The following SLC12A9 variants were observed in gnomAD, a reference collection of about 807,000 sequenced individuals.
The protein encoded by SLC12A9 is CCC-interacting protein 1.
A neutral mutation model predicts 66.0 loss-of-function variants in SLC12A9; 55 were observed. The ratio of observed to expected loss-of-function variants is 0.83; its 90% confidence interval spans 0.67 to 1.04. SLC12A9 has a LOEUF of 1.04. SLC12A9 is among the 50% of genes least tolerant of loss of function. The probability of loss-of-function intolerance (pLI) is 0.00; values close to 1 mark genes in which losing one functional copy is unlikely to be tolerated. For synonymous variants in SLC12A9, 577 were observed against 569.0 expected (o/e 1.01, Z -0.20); for missense variants, 1,061 against 1,241.9 (o/e 0.85, Z 2.19).
chr7:100,850,874 C>T (rs1814053851), upstream of SLC12A9, among the ~76,000 whole-genome samples: 1 of 151,814 alleles, frequency 6.6e-6, no homozygotes, highest in Non-Finnish European at 1.5e-5. Flanking sequence ...TGCGTGCCAC[C>T]ACGCCCAACT....
chr7:100,851,230 T>C (rs1814065787), upstream of SLC12A9, among the ~76,000 whole-genome samples: 1 of 152,030 alleles, frequency 6.6e-6, no homozygotes, highest in African/African-American at 2.4e-5. Flanking sequence ...AAGAGTCAGA[T>C]TTTTTTCTTT....
chr7:100,831,737 C>T (rs1813548202), intron 1 of SLC12A9, among the ~76,000 whole-genome samples: 2 of 152,126 alleles, frequency 1.3e-5, no homozygotes, highest in African/African-American at 4.8e-5. Flanking sequence ...GCAAATCACC[C>T]CTTTCTCCGT....
chr7:100,851,943 C>T (rs114433665), upstream of SLC12A9, among the ~76,000 whole-genome samples: 686 of 152,248 alleles, frequency 4.5e-3, 2 homozygotes, highest in African/African-American at 0.016. Flanking sequence ...AGGCGTTGTT[C>T]TAAAGTGCCC....
chr7:100,839,653 G>A (rs1007522444), intron 1 of SLC12A9, among the ~76,000 whole-genome samples: 17 of 152,186 alleles, frequency 1.1e-4, no homozygotes, highest in Admixed American at 6.5e-5. Context: ...TGTGTGGCAG[G>A]CCCCTGTGGA....
chr7:100,861,959 C>T lies in SLC12A9; in HGVS notation c.1711+48C>T. The T allele has an allele frequency of 6.7e-7, 1 of 1,492,670 alleles. No homozygotes were observed. The allele number at this position is 1,492,670 out of a possible 1,614,324, so 92.5% of individuals were successfully genotyped here. A position where few individuals can be genotyped will look rare whatever the true frequency, so the allele number is the denominator to read the frequency against. On this transcript the variant is annotated intron_variant, in intron 12 of 13. Coordinates refer to ENST00000354161, the MANE Select transcript of SLC12A9 (RefSeq NM_020246.4). The surrounding 1 kb of genome is among the most constrained non-coding windows in gnomAD (Gnocchi z 5.3). ...CACTCACTCCCATCCTTCTCTCCCC[C>T]TACCTTTTTTTTTTTTTTGAGATGG...
Position 100,857,036 on chromosome 7 carries a change from C to T in SLC12A9, c.617C>T (p.Ser206Phe). The T allele has an allele frequency of 1.2e-6, 2 of 1,614,226 alleles. No individual in the cohort carries two copies. The highest frequency in any genetic ancestry group is 1.7e-6 in the Non-Finnish European group (2 of 1,180,044). The change falls in exon 5 of 14, where the codon TCT becomes TTT. Residue 206 changes from serine (S) to phenylalanine (F), a missense_variant. Physicochemically the swap from Ser to Phe is radical, Grantham distance 155. Coordinates refer to ENST00000354161, the MANE Select transcript of SLC12A9 (RefSeq NM_020246.4). ...TFLLVSGSLA[S>F]VLISFVAVGP... ...CTGCTGGTCTCTGGCTCCCTGGCCT[C>T]TGTGCTCATCAGTTTTGTGGCTGTG...
intron 1 of SLC12A9, among the ~76,000 whole-genome samples, chr7:100,841,610 G>T (rs1334620084): frequency 1.3e-5 from 2 of 151,982 alleles, no homozygotes; most frequent in African/African-American, 4.8e-5. Flanking sequence ...ATTATAAAAA[G>T]TTAAAAAGAG....
intron 9 of SLC12A9, chr7:100,860,474 G>A (rs1814680072): frequency 1.8e-5 from 10 of 543,924 alleles, no homozygotes; most frequent in East Asian, 9.5e-5. Context: ...TGGGGTACAC[G>A]GGCATTGTGC....
chr7:100,864,407 C>T (rs1814948789), intron 13 of SLC12A9, among the ~76,000 whole-genome samples: 1 of 152,114 alleles, frequency 6.6e-6, no homozygotes, highest in African/African-American at 2.4e-5. Context: ...CCAACCTATT[C>T]CAATAAAAGG....
chr7:100,866,791 G>A lies in SLC12A9; in HGVS notation c.*186G>A. 1.7e-6 allele frequency: 1 copy of A among 588,206 alleles called. No individual in the cohort carries two copies. The highest frequency in any genetic ancestry group is 2.8e-6 in the Non-Finnish European group (1 of 356,480). 36.4% of individuals were successfully genotyped at this position (588,206 alleles called of 1,614,324 possible). On this transcript the variant is annotated 3_prime_UTR_variant, in exon 14 of 14. Coordinates refer to ENST00000354161, the MANE Select transcript of SLC12A9 (RefSeq NM_020246.4). This position sits in a 1 kb window ranked among gnomAD's most constrained non-coding sequence, Gnocchi z 7.3. The stretch of plus-strand genomic sequence containing the variant: ...CACCTCCTTTGGCAGAGGGACCCCA[G>A]CACACTAACTCTGGGTGGCTGTCCC...
chr7:100,866,374 C>T lies in SLC12A9; in HGVS notation c.2514C>T (p.Asn838=), dbSNP rs756567063. The T allele has an allele frequency of 5.5e-5, 83 of 1,518,816 alleles. No individual in the cohort carries two copies. In the East Asian group the frequency reaches 1.1e-3, roughly 21 times the overall value. The allele number at this position is 1,518,816 out of a possible 1,614,324, so 94.1% of individuals were successfully genotyped here. ...AEAEALARSA[N]ALVRAQQGRG... ...CAGAGGCCCTGGCACGCAGCGCCAA[C>T]GCCCTGGTTCGGGCCCAGCAGGGGC... Residue 838 remains asparagine (N), a synonymous_variant, in exon 14 of 14, where the codon AAC becomes AAT. Transcript: ENST00000354161. The surrounding 1 kb of genome is among the most constrained non-coding windows in gnomAD (Gnocchi z 7.3).
chr7:100,848,881 A>G (rs1813988074), upstream of SLC12A9, among the ~76,000 whole-genome samples: 1 of 149,780 alleles, frequency 6.7e-6, no homozygotes, highest in South Asian at 2.1e-4. Context: ...GCTAGACTCC[A>G]TCTCAAAAAA....
intron 1 of SLC12A9, among the ~76,000 whole-genome samples, chr7:100,831,699 C>T (rs961719822): frequency 3.3e-5 from 5 of 152,162 alleles, no homozygotes; most frequent in Admixed American, 6.6e-5. Context: ...GGAGTTACAG[C>T]TTTTCCTATT....
In SLC12A9 at chr7:100,866,063, C is replaced by G; in HGVS notation, c.2203C>G (p.Arg735Gly). The change falls in exon 14 of 14, where the codon CGG becomes GGG. Residue 735 changes from arginine to glycine, a missense_variant. Physicochemically the swap from Arg to Gly is moderately radical, Grantham distance 125 (BLOSUM62 -2). Coordinates refer to ENST00000354161, the MANE Select transcript of SLC12A9 (RefSeq NM_020246.4). The surrounding 1 kb of genome is among the most constrained non-coding windows in gnomAD (Gnocchi z 7.3). ...GTGGCCCCTCAACCTGCTGCGGCCCCGGGGTGGGCCCGGCTATGTGGATGT... is the reference window on the plus strand; with the variant it reads ...GTGGCCCCTCAACCTGCTGCGGCCCGGGGGTGGGCCCGGCTATGTGGATGT... ...DVWPLNLLRP[R>G]GGPGYVDVCG... 6.2e-7 allele frequency: 1 copy of G among 1,612,938 alleles called. No homozygotes were observed. Among genetic ancestry groups the G allele is most frequent in the Non-Finnish European group, 8.5e-7 (1 of 1,179,864 alleles).
At chr7:100,827,291 GGA>G (rs1813436556) in intron 1 of SLC12A9, 1 of 154,510 alleles carries the variant, frequency 6.5e-6, no homozygotes, top group Admixed American at 6.6e-5. Flanking sequence ...AGACGTGGCT[GGA>G]GTTGGGGTCC....
Position 100,855,693 on chromosome 7 carries a change from C to T in SLC12A9, c.317-13C>T. The stretch of plus-strand genomic sequence containing the variant: ...TCTTTTCCCTTAATGCTCACCCCTG[C>T]TTCCACTTTCAGTCATGATCAGCCG... On this transcript the variant is annotated splice_polypyrimidine_tract_variant and intron_variant, in intron 3 of 13. Coordinates refer to ENST00000354161, the MANE Select transcript of SLC12A9 (RefSeq NM_020246.4). 1.2e-6 allele frequency: 2 copies of T among 1,614,068 alleles called. No homozygotes were observed. Among genetic ancestry groups the T allele is most frequent in the Non-Finnish European group, 1.7e-6 (2 of 1,179,950 alleles).
chr7:100,859,682 GC>G (rs1237748903), intron 7 of SLC12A9: 1 of 619,068 alleles, frequency 1.6e-6, no homozygotes, highest in Admixed American at 3.1e-5. Context: ...CTGCACTTTA[GC>G]CTGGGGGTTG....
chr7:100,852,949 G>C (rs1814154865), intron 1 of SLC12A9, 114 bp downstream of exon 1: 1 of 152,344 alleles, frequency 6.6e-6, no homozygotes, highest in East Asian at 1.9e-4. Flanking sequence ...AGCCCGGATT[G>C]GGGGAGGAGG....
At chr7:100,846,619 CA>C (rs1562984286) in intron 1 of SLC12A9, among the ~76,000 whole-genome samples, 2 of 151,568 alleles carry the variant, frequency 1.3e-5, no homozygotes, top group African/African-American at 2.4e-5. Flanking sequence ...TGCTTCAGCA[CA>C]AGTGTACTAT....
Sources: gnomAD v4.1 joint callset for allele counts (sites outside exome capture counted in the v4.1 genomes callset) on GRCh38, gnomAD v4.1.1 for gene constraint, Gnocchi (gnomAD v3.1) non-coding constraint, MANE v1.5 for transcripts, NCBI Gene and HGNC (gene_info 2026-07-23, HGNC 2026-07-21) for gene names.